CNTN1: variants seen among roughly 807,000 people sequenced by gnomAD.
CNTN1 encodes contactin-1.
Under a neutral mutation model 126.4 loss-of-function variants are expected in CNTN1, and 38 were observed. That is an observed-to-expected ratio of 0.30 (90% CI 0.23 to 0.39). The LOEUF is 0.39. Ranked by LOEUF, CNTN1 falls within the 10% of genes least tolerant of loss-of-function variation. The probability of loss-of-function intolerance (pLI) is 1.00; values close to 1 mark genes in which losing one functional copy is unlikely to be tolerated. For synonymous variants in CNTN1, 413 were observed against 422.6 expected (o/e 0.98, Z 0.28); for missense variants, 1,009 against 1,248.4 (o/e 0.81, Z 2.89).
At chr12:40,900,552 A>G (rs908328856) in intron 1 of CNTN1, among the ~76,000 whole-genome samples, 10 of 152,202 alleles carry the variant, frequency 6.6e-5, no homozygotes, top group Non-Finnish European at 1.3e-4. Context: ...CCACACAGTT[A>G]TTTTGCTTAG....
intron 1 of CNTN1, among the ~76,000 whole-genome samples, chr12:40,785,891 T>C (rs1939999556): frequency 6.6e-6 from 1 of 152,118 alleles, no homozygotes; most frequent in African/African-American, 2.4e-5. Context: ...GGTGCTGTCA[T>C]GTATGAGGGA....
chr12:41,056,689 TGGA>T (rs1275297119), intron 23 of CNTN1, among the ~76,000 whole-genome samples: 5 of 151,914 alleles, frequency 3.3e-5, no homozygotes, highest in African/African-American at 1.2e-4. Flanking sequence ...ACATGATTCT[TGGA>T]GGAGGAAAAA....
At chr12:40,887,669 T>C (rs953825171) in intron 1 of CNTN1, among the ~76,000 whole-genome samples, 1 of 151,966 alleles carries the variant, frequency 6.6e-6, no homozygotes, top group African/African-American at 2.4e-5. Context: ...ACTGGGTATA[T>C]ACCCAAAGGA....
intron 1 of CNTN1, among the ~76,000 whole-genome samples, chr12:40,763,970 G>A (rs573165098): frequency 6.6e-6 from 1 of 152,238 alleles, no homozygotes; most frequent in Admixed American, 6.5e-5. Flanking sequence ...TGGGGTGTAG[G>A]AGATGGGGGC....
chr12:40,842,763 G>T (rs79626542), intron 1 of CNTN1, among the ~76,000 whole-genome samples: 15,081 of 151,978 alleles, frequency 0.099, 887 homozygotes, highest in Non-Finnish European at 0.13. Context: ...AATGTATGTT[G>T]AATAAAAGAG....
intron 1 of CNTN1, among the ~76,000 whole-genome samples, chr12:40,821,245 G>T (rs1941431972): frequency 6.6e-6 from 1 of 152,166 alleles, no homozygotes; most frequent in African/African-American, 2.4e-5. Context: ...TCCTTAATAT[G>T]TATCCAGAGA....
chr12:40,707,066 A>AGTG (rs1941771778), intron 1 of CNTN1, among the ~76,000 whole-genome samples: 1 of 150,414 alleles, frequency 6.6e-6, no homozygotes, highest in African/African-American at 2.5e-5. Flanking sequence ...ACACACACAC[A>AGTG]CACACACACA....
At chr12:40,822,347 G>T (rs1449528240) in intron 1 of CNTN1, among the ~76,000 whole-genome samples, 2 of 151,490 alleles carry the variant, frequency 1.3e-5, no homozygotes, top group Admixed American at 6.6e-5. Context: ...TAGAGATGGG[G>T]TTTCACCATG....
intron 1 of CNTN1, among the ~76,000 whole-genome samples, chr12:40,879,330 T>A (rs1301750698): frequency 6.6e-6 from 1 of 152,168 alleles, no homozygotes; most frequent in Non-Finnish European, 1.5e-5. Flanking sequence ...TTCCTACAGT[T>A]AAGTAAAGGC....
In CNTN1 at chr12:40,933,896, A is replaced by G; in HGVS notation, c.985+18A>G. ...TGTTCAAGGTAGATACATTATTTTA[A>G]TTTTGTATAAATTTCATCAGTATCT... On this transcript the variant is annotated intron_variant, in intron 9 of 23. Coordinates refer to ENST00000551295, the MANE Select transcript of CNTN1 (RefSeq NM_001843.4). The G allele has an allele frequency of 6.3e-7, 1 of 1,591,248 alleles. No homozygotes were observed. Among genetic ancestry groups the G allele is most frequent in the Non-Finnish European group, 8.6e-7 (1 of 1,160,906 alleles).
Position 40,981,645 on chromosome 12 carries a change from CTAAGAA to C in CNTN1, c.1963+583_1963+588del, listed in dbSNP as rs367942624. The stretch of plus-strand genomic sequence containing the variant: ...TCTAAAGTTGATCGGGAAAAATTAA[CTAAGAA>C]TAAGTGGGTACTTTCCTTTGTCTAC... On this transcript the variant is annotated intron_variant, in intron 16 of 23. Transcript: ENST00000551295. Among the ~76,000 whole-genome samples the C allele has an allele frequency of 1.6e-4, 24 of 152,140 alleles. No homozygotes were observed. The East Asian group carries it at 4.6e-3, about 29-fold the overall frequency.
At chr12:40,941,060 T>G (rs1946249605) in intron 12 of CNTN1, among the ~76,000 whole-genome samples, 1 of 152,206 alleles carries the variant, frequency 6.6e-6, no homozygotes. Flanking sequence ...TTCCCAGAAC[T>G]ATGTTTCATG....
chr12:40,926,325 G>A (rs887891155), intron 6 of CNTN1, among the ~76,000 whole-genome samples: 1 of 151,940 alleles, frequency 6.6e-6, no homozygotes, highest in African/African-American at 2.4e-5. Flanking sequence ...AGGAAGTAAA[G>A]GAGCTAACAA....
chr12:40,809,797 C>T (rs909103670), intron 1 of CNTN1, among the ~76,000 whole-genome samples: 4 of 137,414 alleles, frequency 2.9e-5, no homozygotes, highest in Non-Finnish European at 6.2e-5. Flanking sequence ...GCCTGGGCAA[C>T]AGAGTGAGAC....
At chr12:41,008,701 C>T (rs536785584) in intron 17 of CNTN1, among the ~76,000 whole-genome samples, 81 of 152,290 alleles carry the variant, frequency 5.3e-4, no homozygotes, top group African/African-American at 1.9e-3. Flanking sequence ...CTAATCCTTT[C>T]ATGACTTCCA....
intron 1 of CNTN1, among the ~76,000 whole-genome samples, chr12:40,730,774 A>G (rs1942478289): frequency 6.6e-6 from 1 of 152,182 alleles, no homozygotes. Context: ...TAAAATAGTT[A>G]TAATAACATT....
At position 41,070,714 on chromosome 12, in the gene CNTN1, T is replaced by A. The variant is rs938312924; in HGVS notation, c.*679T>A. 2 of 152,044 alleles carry A rather than the reference T, an allele frequency of 1.3e-5. No homozygotes were observed. The highest frequency in any genetic ancestry group is 2.9e-5 in the Non-Finnish European group (2 of 68,092). 9.4% of individuals were successfully genotyped at this position (152,044 alleles called of 1,614,324 possible). A position where few individuals can be genotyped will look rare whatever the true frequency, so the allele number is the denominator to read the frequency against. ...AATATTTGATTTTCAGAATCAGTTT[T>A]TTAATAGTAAAGTTAACATACCATA... On this transcript the variant is annotated 3_prime_UTR_variant, in exon 24 of 24. Coordinates refer to ENST00000551295, the MANE Select transcript of CNTN1 (RefSeq NM_001843.4).
At chr12:40,733,894 T>A (rs1009648728) in intron 1 of CNTN1, among the ~76,000 whole-genome samples, 1 of 152,032 alleles carries the variant, frequency 6.6e-6, no homozygotes, top group Non-Finnish European at 1.5e-5. Context: ...CATGATCAAG[T>A]AGCCTGAAAA....
At chr12:41,068,686 T>A (rs946710742) in intron 23 of CNTN1, among the ~76,000 whole-genome samples, 31 of 152,178 alleles carry the variant, frequency 2.0e-4, no homozygotes, top group African/African-American at 5.8e-4. Context: ...CTGTTTATGG[T>A]CACTTTTAAT....
Sources: gnomAD v4.1 joint callset for allele counts (sites outside exome capture counted in the v4.1 genomes callset) on GRCh38, gnomAD v4.1.1 for gene constraint, MANE v1.5 for transcripts, NCBI Gene and HGNC (gene_info 2026-07-23, HGNC 2026-07-21) for gene names.